GPNMB: variants seen among roughly 807,000 people sequenced by gnomAD.
The protein encoded by GPNMB is transmembrane glycoprotein NMB.
In GPNMB, 71 loss-of-function variants were observed where a neutral mutation model predicts 57.3. The ratio of observed to expected loss-of-function variants is 1.24; its 90% confidence interval spans 1.02 to 1.51. The LOEUF (loss-of-function observed/expected upper bound fraction) is 1.51. Ranked by LOEUF, GPNMB falls within the 40% of genes most tolerant of loss-of-function variation. GPNMB has a pLI of 0.00. For synonymous variants in GPNMB, 253 were observed against 263.2 expected, an observed-to-expected ratio of 0.96 and a Z score of 0.38; for missense variants, 677 against 691.9, an observed-to-expected ratio of 0.98 and a Z score of 0.24.
chr7:23,249,379 T>C (rs1782611101), intron 1 of GPNMB, among the ~76,000 whole-genome samples: 1 of 152,222 alleles, frequency 6.6e-6, no homozygotes, highest in African/African-American at 2.4e-5. Flanking sequence ...TTGACATTGA[T>C]ACAGTGAAAA....
At chr7:23,270,398 C>A (rs156424) in intron 9 of GPNMB, among the ~76,000 whole-genome samples, 6,963 of 152,036 alleles carry the variant, frequency 0.046, 235 homozygotes, top group South Asian at 0.11. Flanking sequence ...CAAAGAAAAG[C>A]CTTTTGATGA....
At chr7:23,262,247 G>C (rs1460635593) in intron 6 of GPNMB, among the ~76,000 whole-genome samples, 1 of 152,174 alleles carries the variant, frequency 6.6e-6, no homozygotes, top group African/African-American at 2.4e-5. Context: ...CAAAGTTTAT[G>C]CATGTTCCTT....
At chr7:23,266,996 G>T (rs1783080222) in intron 7 of GPNMB, among the ~76,000 whole-genome samples, 1 of 152,232 alleles carries the variant, frequency 6.6e-6, no homozygotes, top group Non-Finnish European at 1.5e-5. Flanking sequence ...ACTTGTATGT[G>T]AAAAGGGGAA....
Position 23,269,957 on chromosome 7 carries a change from C to T in GPNMB, c.1221-10C>T. ...GCCCTGTGCGCCCTCGCCCACCTCC[C>T]CTGTCGCAGCATTCCCACGGAGGTC... On this transcript the variant is annotated splice_polypyrimidine_tract_variant and intron_variant, in intron 8 of 10. Coordinates refer to ENST00000258733, the MANE Select transcript of GPNMB (RefSeq NM_002510.3). The T allele has an allele frequency of 6.2e-7, 1 of 1,610,684 alleles. No homozygotes were observed. The highest frequency in any genetic ancestry group is 8.5e-7 in the Non-Finnish European group (1 of 1,177,042).
chr7:23,261,219 AAC>A, intron 6 of GPNMB, among the ~76,000 whole-genome samples: 2 of 152,290 alleles, frequency 1.3e-5, no homozygotes, highest in East Asian at 3.9e-4. Context: ...TGTCCATGAA[AAC>A]ACAGCTGTAC....
intron 6 of GPNMB, among the ~76,000 whole-genome samples, chr7:23,264,379 T>A (rs1001957485): frequency 2.6e-5 from 4 of 151,924 alleles, no homozygotes; most frequent in Non-Finnish European, 4.4e-5. Context: ...TTTTTATTTT[T>A]ATTTTTTTTT....
intron 6 of GPNMB, among the ~76,000 whole-genome samples, chr7:23,265,192 C>T (rs1434474381): frequency 6.6e-6 from 1 of 152,194 alleles, no homozygotes; most frequent in Non-Finnish European, 1.5e-5. Context: ...TCTGAGAAAT[C>T]TGCTTTGGGC....
At chr7:23,265,706 T>C (rs1466229060) in intron 6 of GPNMB, among the ~76,000 whole-genome samples, 4 of 152,008 alleles carry the variant, frequency 2.6e-5, no homozygotes, top group Non-Finnish European at 5.9e-5. Flanking sequence ...GCAGGTTTTA[T>C]ATACTTTATC....
At position 23,260,638 on chromosome 7, in the gene GPNMB, A is replaced by G. The variant is rs753015804; in HGVS notation, c.883A>G (p.Thr295Ala). Residue 295 changes from threonine (T) to alanine (A), a missense_variant, in exon 6 of 11, where the codon ACC (threonine) becomes GCC (alanine). Physicochemically the swap from Thr to Ala is moderately conservative, Grantham distance 58 (BLOSUM62 0). Transcript: ENST00000258733. ...FGDNTGLFVS[T>A]NHTVNHTYVL... ...GGATAATACTGGCCTGTTTGTTTCC[A>G]CCAATCATACTGTGAATCACACGTA... 1 of 1,614,010 alleles carries G rather than the reference A, an allele frequency of 6.2e-7. No homozygotes were observed. The highest frequency in any genetic ancestry group is 8.5e-7 in the Non-Finnish European group (1 of 1,179,952).
At chr7:23,263,419 C>T (rs2128483631) in intron 6 of GPNMB, among the ~76,000 whole-genome samples, 1 of 152,072 alleles carries the variant, frequency 6.6e-6, no homozygotes, top group East Asian at 1.9e-4. Flanking sequence ...CGAGACCAGC[C>T]TGGTCAACAT....
At chr7:23,251,238 A>C (rs1359181057) in intron 1 of GPNMB, among the ~76,000 whole-genome samples, 1 of 152,170 alleles carries the variant, frequency 6.6e-6, no homozygotes, top group Non-Finnish European at 1.5e-5. Flanking sequence ...ACCAGAGAAG[A>C]GGAATAGAAG....
chr7:23,262,094 T>A (rs115128936), intron 6 of GPNMB, among the ~76,000 whole-genome samples: 2,099 of 151,640 alleles, frequency 0.014, 42 homozygotes, highest in African/African-American at 0.049. Context: ...TTCTTGTTTT[T>A]ACAAAATCCT....
At chr7:23,259,107 G>A (rs1401200421) in intron 4 of GPNMB, among the ~76,000 whole-genome samples, 1 of 152,212 alleles carries the variant, frequency 6.6e-6, no homozygotes, top group African/African-American at 2.4e-5. Flanking sequence ...GAATGACTCA[G>A]GGGTGTCCTA....
At chr7:23,270,293 A>G (rs1249664829) in intron 9 of GPNMB, 118 bp downstream of exon 9, 2 of 656,984 alleles carry the variant, frequency 3.0e-6, no homozygotes, top group African/African-American at 3.6e-5. Flanking sequence ...TACAAAATTC[A>G]TTGAACTCTT....
chr7:23,270,103 T>C lies in GPNMB; in HGVS notation c.1357T>C (p.Cys453Arg), dbSNP rs1438642473. ...RRTFNGSGTY[C>R]VNLTLGDDTS... The stretch of plus-strand genomic sequence containing the variant: ...AACCTTCAATGGGTCTGGGACGTAC[T>C]GTGTGAACCTCACCCTGGGGGATGA... The change falls in exon 9 of 11, where the codon TGT becomes CGT. Residue 453 changes from cysteine to arginine, a missense_variant. Coordinates refer to ENST00000258733, the MANE Select transcript of GPNMB (RefSeq NM_002510.3). 6.2e-7 allele frequency: 1 copy of C among 1,614,146 alleles called. No homozygotes were observed. Among genetic ancestry groups the C allele is most frequent in the Admixed American group, 1.7e-5 (1 of 60,024 alleles).
intron 4 of GPNMB, chr7:23,257,293 A>C: frequency 1.7e-6 from 1 of 594,556 alleles, no homozygotes; most frequent in South Asian, 2.1e-5. Context: ...CAAAAAGATT[A>C]AGCTCTTTTT....
Position 23,266,586 on chromosome 7 carries a change from G to T in GPNMB, c.1088G>T (p.Gly363Val). The change falls in exon 7 of 11, where the codon GGC (glycine) becomes GTC (valine). Residue 363 changes from glycine to valine, a missense_variant. Transcript: ENST00000258733. ...PDENCQINRYGHFQATITIVE... is the reference protein window; with the variant it reads ...PDENCQINRYVHFQATITIVE... ...GAAAACTGCCAGATTAACAGATATG[G>T]CCACTTTCAAGCCACCATCACAATT... 6.2e-7 allele frequency: 1 copy of T among 1,614,020 alleles called. No individual in the cohort carries two copies. Among genetic ancestry groups the T allele is most frequent in the South Asian group, 1.1e-5 (1 of 91,064 alleles).
At position 23,256,995 on chromosome 7, in the gene GPNMB, T is replaced by C; in HGVS notation, c.471T>C (p.Pro157=). The change falls in exon 4 of 11, where the codon CCT becomes CCC. Residue 157 remains proline (P), a synonymous_variant. Coordinates refer to ENST00000258733, the MANE Select transcript of GPNMB (RefSeq NM_002510.3). ...GTGQSHHNVF[P]DGKPFPHHPG... ...GCCAAAGCCATCATAACGTCTTCCC[T>C]GATGGGAAACCTTTTCCTCACCACC... The C allele has an allele frequency of 6.2e-7, 1 of 1,614,000 alleles. No individual in the cohort carries two copies. Among genetic ancestry groups the C allele is most frequent in the Admixed American group, 1.7e-5 (1 of 60,024 alleles).
intron 6 of GPNMB, among the ~76,000 whole-genome samples, chr7:23,264,608 C>T (rs1345559884): frequency 1.3e-5 from 2 of 152,116 alleles, no homozygotes; most frequent in Non-Finnish European, 2.9e-5. Context: ...AACTCCTGAC[C>T]TCAAGTGATC....
Sources: gnomAD v4.1 joint callset for allele counts (sites outside exome capture counted in the v4.1 genomes callset) on GRCh38, gnomAD v4.1.1 for gene constraint, MANE v1.5 for transcripts, NCBI Gene and HGNC (gene_info 2026-07-23, HGNC 2026-07-21) for gene names.